Variants in PHACTR3 observed in about 807,000 individuals in gnomAD.
PHACTR3 encodes the protein protein phosphatase 1, regulatory subunit 123.
In PHACTR3, 16 loss-of-function variants were observed where a neutral mutation model predicts 66.8. That is an observed-to-expected ratio of 0.24 (90% CI 0.16 to 0.36). The LOEUF is 0.36. PHACTR3 is among the 10% of genes least tolerant of loss of function. The pLI is 1.00. For missense variants in PHACTR3, 647 were observed against 719.9 expected, an observed-to-expected ratio of 0.90 and a Z score of 1.16; for synonymous variants, 323 against 292.1, an observed-to-expected ratio of 1.11 and a Z score of -1.08.
intron 1 of PHACTR3, among the ~76,000 whole-genome samples, chr20:59,588,477 A>T (rs1334294521): frequency 6.6e-6 from 1 of 152,048 alleles, no homozygotes; most frequent in East Asian, 1.9e-4. Flanking sequence ...ACACCCTTCC[A>T]GGAGAGGTCA....
At chr20:59,625,113 A>AACTTCTTT (rs2034397140) in intron 1 of PHACTR3, among the ~76,000 whole-genome samples, 2 of 151,824 alleles carry the variant, frequency 1.3e-5, no homozygotes, top group Admixed American at 1.3e-4. Context: ...TTCAATCCAG[A>AACTTCTTT]ACTTCTTTTT....
intron 4 of PHACTR3, among the ~76,000 whole-genome samples, chr20:59,766,725 T>A (rs1390436730): frequency 6.6e-6 from 1 of 152,238 alleles, no homozygotes; most frequent in Non-Finnish European, 1.5e-5. Context: ...GGTTACACTG[T>A]GTCATGGCCA....
intron 1 of PHACTR3, chr20:59,721,373 G>C (rs1168434327): frequency 2.0e-5 from 3 of 152,256 alleles, no homozygotes; most frequent in Non-Finnish European, 4.4e-5. Context: ...AGACACGCCT[G>C]TCTCTCCCCC....
chr20:59,775,905 G>C (rs1428711851), intron 7 of PHACTR3, among the ~76,000 whole-genome samples: 1 of 152,214 alleles, frequency 6.6e-6, no homozygotes, highest in African/African-American at 2.4e-5. Context: ...GGAGGGGGCT[G>C]TCCTGGACAC....
intron 7 of PHACTR3, among the ~76,000 whole-genome samples, chr20:59,788,518 C>T (rs557780478): frequency 1.4e-4 from 21 of 152,172 alleles, no homozygotes; most frequent in Admixed American, 2.6e-4. Context: ...CCTGGCCCCT[C>T]TTCCCTGACC....
chr20:59,703,449 C>T (rs1378699679), intron 1 of PHACTR3, among the ~76,000 whole-genome samples: 1 of 152,146 alleles, frequency 6.6e-6, no homozygotes, highest in African/African-American at 2.4e-5. Context: ...AATGCACAAC[C>T]AGCCCAGGGG....
chr20:59,745,974 G>T (rs2039356469), intron 2 of PHACTR3, among the ~76,000 whole-genome samples: 3 of 152,186 alleles, frequency 2.0e-5, no homozygotes, highest in African/African-American at 7.2e-5. Context: ...CTGGGGACGG[G>T]GTCCACACAG....
Position 59,820,260 on chromosome 20 carries a change from T to G in PHACTR3, c.1328+14066T>G, listed in dbSNP as rs552261810. On this transcript the variant is annotated intron_variant, in intron 8 of 12. Coordinates refer to ENST00000371015, the MANE Select transcript of PHACTR3 (RefSeq NM_080672.5). The surrounding 1 kb of genome is among the most constrained non-coding windows in gnomAD (Gnocchi z 4.6). ...ATTTGTTGCAAAAATGCGAAGGAGC[T>G]CACGAGGCAGTGCTGTGAGCAGGCT... Among the ~76,000 whole-genome samples the G allele has an allele frequency of 6.6e-6, 1 of 152,134 alleles. No homozygotes were observed. Among genetic ancestry groups the G allele is most frequent in the South Asian group, 2.1e-4 (1 of 4,810 alleles).
intron 3 of PHACTR3, among the ~76,000 whole-genome samples, chr20:59,750,856 G>T (rs1568779463): frequency 6.6e-6 from 1 of 152,166 alleles, no homozygotes; most frequent in African/African-American, 2.4e-5. Flanking sequence ...CTGTAATAAC[G>T]GGATCCACGC....
chr20:59,846,574 GATTATACA>G (rs1013546423), intron 12 of PHACTR3, among the ~76,000 whole-genome samples: 2 of 151,942 alleles, frequency 1.3e-5, no homozygotes, highest in African/African-American at 4.8e-5. Context: ...TACATTTTCC[GATTATACA>G]TTATTAAATG....
At chr20:59,696,092 C>T (rs1041422391) in intron 1 of PHACTR3, among the ~76,000 whole-genome samples, 8 of 152,228 alleles carry the variant, frequency 5.3e-5, no homozygotes, top group Admixed American at 4.6e-4. Flanking sequence ...AGTTCCATAA[C>T]ATCCACTGTA....
chr20:59,738,283 G>A lies in PHACTR3; in HGVS notation c.119-4824G>A, dbSNP rs2039027152. 6.6e-6 allele frequency among the ~76,000 whole-genome samples: 1 copy of A among 152,098 alleles called. No individual in the cohort carries two copies. The highest frequency in any genetic ancestry group is 1.9e-4 in the East Asian group (1 of 5,186). ...TGTTCTTCACAGCTACGTCACACTG[G>A]CTTCCATGGCACATGGCAAGCACTA... On this transcript the variant is annotated intron_variant, in intron 1 of 12. Transcript: ENST00000371015. The surrounding 1 kb of genome is among the most constrained non-coding windows in gnomAD (Gnocchi z 4.4).
At chr20:59,730,176 C>T (rs1203278233) in intron 1 of PHACTR3, among the ~76,000 whole-genome samples, 1 of 152,144 alleles carries the variant, frequency 6.6e-6, no homozygotes, top group Non-Finnish European at 1.5e-5. Context: ...GGACATAAAA[C>T]TAATGAACAC....
chr20:59,775,920 G>A (rs1288307218), intron 7 of PHACTR3, among the ~76,000 whole-genome samples: 1 of 152,184 alleles, frequency 6.6e-6, no homozygotes, highest in Non-Finnish European at 1.5e-5. Flanking sequence ...GGACACATTA[G>A]GATATCCTGC....
At chr20:59,680,002 T>C (rs997631335) in intron 1 of PHACTR3, among the ~76,000 whole-genome samples, 1 of 152,072 alleles carries the variant, frequency 6.6e-6, no homozygotes, top group Non-Finnish European at 1.5e-5. Flanking sequence ...AACCTGATCC[T>C]TTATCTGCTT....
chr20:59,845,065 GTTTT>G, intron 11 of PHACTR3, 120 bp from the exon 12 acceptor site: 1 of 591,558 alleles, frequency 1.7e-6, no homozygotes, highest in Non-Finnish European at 2.9e-6. Context: ...AAAATTGTTT[GTTTT>G]TTTCTGTATA....
At chr20:59,811,798 G>A (rs755779279) in intron 8 of PHACTR3, among the ~76,000 whole-genome samples, 4 of 152,196 alleles carry the variant, frequency 2.6e-5, no homozygotes, top group East Asian at 1.9e-4. Flanking sequence ...AGCCCCAGCC[G>A]TCTTTGTCTC....
intron 1 of PHACTR3, among the ~76,000 whole-genome samples, chr20:59,671,733 G>T (rs1232142004): frequency 6.6e-6 from 1 of 152,228 alleles, no homozygotes; most frequent in Non-Finnish European, 1.5e-5. Context: ...GGTAGATGAG[G>T]TCCATCCACT....
At chr20:59,814,951 G>T (rs916674106) in intron 8 of PHACTR3, among the ~76,000 whole-genome samples, 2 of 152,116 alleles carry the variant, frequency 1.3e-5, no homozygotes, top group Non-Finnish European at 2.9e-5. Flanking sequence ...AACAGGAGGT[G>T]GGGGGAGGGT....
Sources: allele counts gnomAD v4.1 joint callset (sites outside exome capture counted in the v4.1 genomes callset), GRCh38; gene constraint gnomAD v4.1.1; non-coding constraint Gnocchi (gnomAD v3.1); transcripts MANE v1.5; gene names NCBI Gene and HGNC (gene_info 2026-07-23, HGNC 2026-07-21).